The following NTM variants were observed in gnomAD, a reference collection of about 807,000 sequenced individuals.
NTM encodes IgLON family member 2.
Under a neutral mutation model 42.1 loss-of-function variants are expected in NTM, and 13 were observed. The ratio of observed to expected loss-of-function variants is 0.31; its 90% CI spans 0.20 to 0.49. The LOEUF (loss-of-function observed/expected upper bound fraction) is 0.49. Among genes scored for constraint, NTM ranks in the 20% least tolerant of loss-of-function variants. The pLI is 0.99. For missense variants in NTM, 373 were observed against 452.8 expected (o/e 0.82, Z 1.60); for synonymous variants, 187 against 179.2 (o/e 1.04, Z -0.35).
intron 3 of NTM, among the ~76,000 whole-genome samples, chr11:132,191,971 T>A (rs1322894728): frequency 6.6e-6 from 1 of 152,134 alleles, no homozygotes; most frequent in African/African-American, 2.4e-5. Flanking sequence ...AAAATTTTTT[T>A]AAAGAATTTT....
At chr11:132,157,075 C>T (rs2073343545) in intron 3 of NTM, among the ~76,000 whole-genome samples, 1 of 152,170 alleles carries the variant, frequency 6.6e-6, no homozygotes, top group African/African-American at 2.4e-5. Context: ...TTCCTGATAC[C>T]CTGATTTCAG....
chr11:131,921,336 A>G (rs886658007), intron 2 of NTM, among the ~76,000 whole-genome samples: 1 of 152,234 alleles, frequency 6.6e-6, no homozygotes, highest in South Asian at 2.1e-4. Context: ...GAGAGTGACA[A>G]CAAAGGCAGA....
chr11:132,008,274 T>TTGTAAA (rs2071276787), intron 2 of NTM, among the ~76,000 whole-genome samples: 2 of 152,204 alleles, frequency 1.3e-5, no homozygotes, highest in African/African-American at 2.4e-5. Flanking sequence ...TGTAAAATTC[T>TTGTAAA]ATTGTCCTGA....
At chr11:131,712,298 C>T (rs1416809248) in intron 1 of NTM, among the ~76,000 whole-genome samples, 1 of 151,660 alleles carries the variant, frequency 6.6e-6, no homozygotes, top group African/African-American at 2.4e-5. Context: ...AATGCTTGTA[C>T]CCTCAAGAAC....
intron 1 of NTM, among the ~76,000 whole-genome samples, chr11:131,804,980 G>A (rs1283136491): frequency 1.3e-5 from 2 of 152,086 alleles, no homozygotes; most frequent in Non-Finnish European, 2.9e-5. Flanking sequence ...ATGACATCAG[G>A]CATTAAACCT....
chr11:131,979,001 G>A (rs11222855), intron 2 of NTM, among the ~76,000 whole-genome samples: 25,122 of 151,988 alleles, frequency 0.17, 2,339 homozygotes, highest in East Asian at 0.47. Flanking sequence ...TTTAAGTGAG[G>A]GTACAGAGCC....
At chr11:131,924,144 G>C (rs1290551647) in intron 2 of NTM, among the ~76,000 whole-genome samples, 1 of 152,228 alleles carries the variant, frequency 6.6e-6, no homozygotes, top group East Asian at 1.9e-4. Context: ...AGGGCACGGA[G>C]CTGGGGGCCG....
intron 1 of NTM, among the ~76,000 whole-genome samples, chr11:131,574,824 C>G (rs748404107): frequency 6.6e-6 from 1 of 152,082 alleles, no homozygotes; most frequent in Non-Finnish European, 1.5e-5. Context: ...TTGGCATCGA[C>G]GGGGGCTGCT....
intron 2 of NTM, among the ~76,000 whole-genome samples, chr11:132,056,650 A>G (rs2079721126): frequency 6.6e-6 from 1 of 152,206 alleles, no homozygotes; most frequent in Non-Finnish European, 1.5e-5. Context: ...TATATCTTTG[A>G]ACACTAAAAT....
intron 1 of NTM, among the ~76,000 whole-genome samples, chr11:131,694,327 A>G (rs1224532689): frequency 6.6e-6 from 1 of 152,192 alleles, no homozygotes; most frequent in Non-Finnish European, 1.5e-5. Flanking sequence ...GACCATTTTC[A>G]TTCAACATTT....
At chr11:131,391,641 T>TG (rs200107044) in intron 1 of NTM, among the ~76,000 whole-genome samples, 723 of 65,910 alleles carry the variant, frequency 0.011, 4 homozygotes, top group Non-Finnish European at 0.018. Context: ...GACTTTTATC[T>TG]GGGAAAAAAA....
At chr11:131,789,896 C>T (rs1230184187) in intron 1 of NTM, among the ~76,000 whole-genome samples, 4 of 131,620 alleles carry the variant, frequency 3.0e-5, no homozygotes, top group Admixed American at 9.1e-5. Flanking sequence ...GCGGAGCTTG[C>T]AGTGAGCCGA....
intron 2 of NTM, among the ~76,000 whole-genome samples, chr11:132,104,440 A>G (rs541691250): frequency 1.3e-5 from 2 of 152,154 alleles, no homozygotes; most frequent in South Asian, 4.2e-4. Context: ...AAAGATACAA[A>G]AATACCCTAG....
chr11:132,011,247 G>A (rs1033032572), intron 2 of NTM, among the ~76,000 whole-genome samples: 3 of 151,724 alleles, frequency 2.0e-5, no homozygotes, highest in Non-Finnish European at 4.4e-5. Context: ...AAACTGAGAG[G>A]GGAACTCCTT....
rs75304706 is a variant in NTM at position 131,683,055 on chromosome 11, C to T, written c.83-228509C>T. 5.7e-4 allele frequency among the ~76,000 whole-genome samples: 87 copies of T among 152,216 alleles called. 1 individual carries two copies. The highest frequency in any genetic ancestry group is 2.0e-3 in the African/African-American group (81 of 41,530). On this transcript the variant is annotated intron_variant, in intron 1 of 8. Transcript: ENST00000683400. ...ATACCACTTTCTAGGAATTCTGTGG[C>T]GAAAATAACAACCCACAGTCATCTG...
chr11:131,959,853 A>G (rs2061952606), intron 2 of NTM, among the ~76,000 whole-genome samples: 2 of 152,240 alleles, frequency 1.3e-5, no homozygotes, highest in Non-Finnish European at 2.9e-5. Context: ...AGATGAAGAA[A>G]TGCCACAGAC....
chr11:131,660,381 G>C (rs1028505091), intron 1 of NTM: 1 of 432,812 alleles, frequency 2.3e-6, no homozygotes, highest in South Asian at 1.6e-5. Flanking sequence ...GAGGGCGGAG[G>C]GGGTGAGGGT....
chr11:132,207,525 C>T (rs2082172855), intron 3 of NTM, among the ~76,000 whole-genome samples: 1 of 152,128 alleles, frequency 6.6e-6, no homozygotes, highest in Admixed American at 6.6e-5. Context: ...AAATACAATG[C>T]ATAATAAATG....
At chr11:131,895,550 A>T (rs965039983) in intron 1 of NTM, among the ~76,000 whole-genome samples, 6 of 152,188 alleles carry the variant, frequency 3.9e-5, no homozygotes, top group Non-Finnish European at 7.3e-5. Context: ...GCCTTCAGAG[A>T]GCTTACAACC....
Sources: allele counts gnomAD v4.1 joint callset (sites outside exome capture counted in the v4.1 genomes callset), GRCh38; gene constraint gnomAD v4.1.1; transcripts MANE v1.5; gene names NCBI Gene and HGNC (gene_info 2026-07-23, HGNC 2026-07-21).